REC8: variants seen among roughly 807,000 people sequenced by gnomAD.
REC8 encodes the protein meiotic recombination protein REC8 homolog.
In REC8, 42 loss-of-function variants were observed where a neutral mutation model predicts 78.3. The ratio of observed to expected loss-of-function variants is 0.54; its 90% CI spans 0.42 to 0.69. The LOEUF is 0.69. Among genes scored for constraint, REC8 ranks in the 30% least tolerant of loss-of-function variants. REC8 has a pLI of 0.00. For missense variants in REC8, 581 were observed against 715.8 expected (o/e 0.81, Z 2.15); for synonymous variants, 268 against 274.1 (o/e 0.98, Z 0.22).
rs1873812532 is a variant in REC8, at chr14:24,172,761, G to A, written c.105G>A (p.Arg35=). Residue 35 remains arginine, a synonymous_variant, in exon 2 of 19, where the codon AGG becomes AGA. Transcript: ENST00000611366. ...GSRLVKREYL[R]VNVVKTCEEI... ...GGTTGGTGAAGCGCGAATACCTGAG[G>A]GTGAATGTGGTGAAAACCTGGTAAG... The A allele has an allele frequency of 6.2e-7, 1 of 1,614,210 alleles. No homozygotes were observed. The highest frequency in any genetic ancestry group is 1.1e-5 in the South Asian group (1 of 91,078).
chr14:24,175,395 C>T (rs889300036), intron 5 of REC8, 148 bp from the exon 6 acceptor site: 9 of 630,774 alleles, frequency 1.4e-5, no homozygotes, highest in African/African-American at 5.5e-5. Flanking sequence ...GACCAGAGGG[C>T]GGGTGAGTTT....
At chr14:24,179,509 C>T in intron 16 of REC8, 46 bp downstream of exon 16, 5 of 1,613,774 alleles carry the variant, frequency 3.1e-6, no homozygotes, top group East Asian at 2.2e-5. Context: ...AGCCCTTGGC[C>T]AGGTGGTGGA....
chr14:24,172,878 T>G (rs1481200047), intron 2 of REC8, 21 bp from the exon 3 acceptor site: 1 of 1,613,264 alleles, frequency 6.2e-7, no homozygotes, highest in Non-Finnish European at 8.5e-7. Context: ...GCAGCGGTAA[T>G]CAGGGCGCAT....
In REC8 at chr14:24,177,161, G is replaced by C; in HGVS notation, c.645G>C (p.Glu215Asp). 6.2e-7 allele frequency: 1 copy of C among 1,614,050 alleles called. No individual in the cohort carries two copies. The highest frequency in any genetic ancestry group is 8.5e-7 in the Non-Finnish European group (1 of 1,179,982). ...GACAGGGTGAACGGGAGCTCCCAGA[G>C]GTCAGCCGCCGAGAACTGGACCTGC... ...LEIEGERELP[E>D]VSRRELDLLI... is the part of the protein sequence containing the mutation. Residue 215 changes from glutamate (E) to aspartate (D), a missense_variant, in exon 8 of 19, where the codon GAG becomes GAC. Transcript: ENST00000611366.
rs1179779628 is a variant in REC8, at chr14:24,178,489, T to C, written c.997-117T>C. 5 of 1,105,816 alleles carry C rather than the reference T, an allele frequency of 4.5e-6. No individual in the cohort carries two copies. The South Asian group carries it at 5.9e-5, about 13-fold the overall frequency. The allele number at this position is 1,105,816 out of a possible 1,614,324, so 68.5% of individuals were successfully genotyped here. A position where few individuals can be genotyped will look rare whatever the true frequency, so the allele number is the denominator to read the frequency against. On this transcript the variant is annotated intron_variant, in intron 12 of 18. Transcript: ENST00000611366. Reference sequence around the variant, plus strand: ...GCAATGAGCAGGGCAGGCAGGGTCATGAGCGCAAAAGCTGGGGAAGTCCAG... The same window carrying C: ...GCAATGAGCAGGGCAGGCAGGGTCACGAGCGCAAAAGCTGGGGAAGTCCAG...
At chr14:24,180,731 G>T (rs140141733), downstream of REC8, 111 of 1,614,058 alleles carry the variant, frequency 6.9e-5, no homozygotes, top group East Asian at 2.4e-3. Context: ...CTGCAGATAC[G>T]CAGAAGCTCG....
intron 6 of REC8, among the ~76,000 whole-genome samples, chr14:24,176,584 T>A (rs1486373803): frequency 6.6e-6 from 1 of 151,870 alleles, no homozygotes; most frequent in Non-Finnish European, 1.5e-5. Context: ...GCTCAAGCGA[T>A]CCAAAGTGTT....
intron 6 of REC8, among the ~76,000 whole-genome samples, chr14:24,176,253 T>C (rs1594415593): frequency 6.9e-6 from 1 of 144,022 alleles, no homozygotes; most frequent in Non-Finnish European, 1.5e-5. Context: ...GATGGGTTTT[T>C]GCCATGTTGG....
chr14:24,175,934 C>A (rs549020566), intron 6 of REC8, among the ~76,000 whole-genome samples: 1 of 151,400 alleles, frequency 6.6e-6, no homozygotes, highest in South Asian at 2.1e-4. Context: ...AACTCCTGAC[C>A]TCAGGTGATC....
In REC8 at chr14:24,179,431, C is replaced by G. The variant is rs1389741411; in HGVS notation, c.1287C>G (p.Ser429=). ...ISLEAAEEEK[S]RISLIPPEER... ...TAGAGGCAGCTGAAGAGGAGAAGTCCCGCATCAGCCTCATCCCACCAGAAG... is the reference window on the plus strand; with the variant it reads ...TAGAGGCAGCTGAAGAGGAGAAGTCGCGCATCAGCCTCATCCCACCAGAAG... Residue 429 remains serine (S), a synonymous_variant, in exon 16 of 19, where the codon TCC becomes TCG. Coordinates refer to ENST00000611366, the MANE Select transcript of REC8 (RefSeq NM_001048205.2). 1 of 1,614,180 alleles carries G rather than the reference C, an allele frequency of 6.2e-7. No individual in the cohort carries two copies. Among genetic ancestry groups the G allele is most frequent in the Non-Finnish European group, 8.5e-7 (1 of 1,180,034 alleles).
chr14:24,173,253 C>T, intron 4 of REC8, 38 bp from the exon 5 acceptor site: 1 of 1,614,144 alleles, frequency 6.2e-7, no homozygotes, highest in Middle Eastern at 1.6e-4. Flanking sequence ...CTCAGCCTGG[C>T]TCAGCCTCAG....
rs1410510130 is a variant in REC8, at chr14:24,178,645, G to T, written c.1036G>T (p.Ala346Ser). ...QPPERTIRGP[A>S]ELFRTPTLSG... ...GCCCGAGAGGACCATCAGAGGCCCT[G>T]CGGAGTTGTTCAGAACCCCAACTCT... The change falls in exon 13 of 19, where the codon GCG becomes TCG. Residue 346 changes from alanine to serine, a missense_variant. Physicochemically the swap from Ala to Ser is moderately conservative, Grantham distance 99. Coordinates refer to ENST00000611366, the MANE Select transcript of REC8 (RefSeq NM_001048205.2). 11 of 1,614,106 alleles carry T rather than the reference G, an allele frequency of 6.8e-6. No individual in the cohort carries two copies. The South Asian group carries it at 1.2e-4, about 18-fold the overall frequency.
At chr14:24,178,520 C>T in intron 12 of REC8, 86 bp from the exon 13 acceptor site, 2 of 1,404,598 alleles carry the variant, frequency 1.4e-6, no homozygotes, top group East Asian at 2.3e-5. Flanking sequence ...TCCAGAAGCC[C>T]CAGAACAGTG....
chr14:24,177,261 G>C, intron 8 of REC8, 39 bp downstream of exon 8: 1 of 1,612,596 alleles, frequency 6.2e-7, no homozygotes, highest in Non-Finnish European at 8.5e-7. Flanking sequence ...CCTGGAGCTG[G>C]ATAGTCAGAC....
Position 24,177,488 on chromosome 14 carries a change from T to C in REC8, c.761T>C (p.Leu254Pro). 1.2e-6 allele frequency: 2 copies of C among 1,614,152 alleles called. No individual in the cohort carries two copies. Among genetic ancestry groups the C allele is most frequent in the East Asian group, 2.2e-5 (1 of 44,880 alleles). The change falls in exon 10 of 19, where the codon CTG (leucine) becomes CCG (proline). Residue 254 changes from leucine (L) to proline (P), a missense_variant. Transcript: ENST00000611366. ...PAEVEGIGEA[L>P]GPEELRLTGW... ...AGGGTGGAAGGAATAGGAGAGGCAC[T>C]GGGTCCTGAGGAGCTGAGGCTGACA... is the stretch of plus-strand genomic sequence containing the variant.
At chr14:24,177,114 C>G (rs2139133616) in intron 7 of REC8, 27 bp from the exon 8 acceptor site, 2 of 1,605,274 alleles carry the variant, frequency 1.2e-6, no homozygotes, top group African/African-American at 1.3e-5. Context: ...ATTGAATCCC[C>G]TCCCCTTGCT....
downstream of REC8, chr14:24,180,377 G>T: frequency 6.4e-7 from 1 of 1,563,334 alleles, no homozygotes; most frequent in South Asian, 1.2e-5. Context: ...AACTGAACTG[G>T]GCTGAGAGGT....
At chr14:24,173,526 G>C (rs757890220) in intron 5 of REC8, 115 bp downstream of exon 5, 1 of 1,546,580 alleles carries the variant, frequency 6.5e-7, no homozygotes, top group South Asian at 1.2e-5. Context: ...TCTCCCACAG[G>C]AGATGGTGCA....
intron 14 of REC8, 80 bp downstream of exon 14, chr14:24,178,996 A>C: frequency 6.2e-7 from 1 of 1,600,572 alleles, no homozygotes; most frequent in South Asian, 1.1e-5. Context: ...CTGCTATGAG[A>C]GCCAACAGCA....
Sources: gnomAD v4.1 joint callset for allele counts (sites outside exome capture counted in the v4.1 genomes callset) on GRCh38, gnomAD v4.1.1 for gene constraint, MANE v1.5 for transcripts, NCBI Gene and HGNC (gene_info 2026-07-23, HGNC 2026-07-21) for gene names.